KCNK18: variants seen among roughly 807,000 people sequenced by gnomAD.
KCNK18 encodes potassium channel subfamily K member 18.
Under a neutral mutation model 11.8 loss-of-function variants are expected in KCNK18, and 8 were observed. The ratio of observed to expected loss-of-function variants is 0.68; its 90% CI spans 0.40 to 1.22. The LOEUF is 1.22. KCNK18 is among the 50% of genes most tolerant of loss of function. KCNK18 has a pLI of 0.01. For missense variants in KCNK18, 442 were observed against 465.4 expected (o/e 0.95, Z 0.46); for synonymous variants, 208 against 185.8 (o/e 1.12, Z -0.97).
At chr10:117,201,940 G>A (rs1015530336) in intron 2 of KCNK18, among the ~76,000 whole-genome samples, 6 of 152,220 alleles carry the variant, frequency 3.9e-5, no homozygotes, top group Admixed American at 3.9e-4. Context: ...CAGCAGTGGG[G>A]CCAGGTTGGA....
intron 2 of KCNK18, among the ~76,000 whole-genome samples, chr10:117,205,326 A>G (rs1356203068): frequency 6.6e-6 from 1 of 152,250 alleles, no homozygotes; most frequent in Non-Finnish European, 1.5e-5. Context: ...CAGTAATTAG[A>G]ATAGTTAATA....
intron 1 of KCNK18, among the ~76,000 whole-genome samples, chr10:117,200,367 C>T (rs1854998828): frequency 6.6e-6 from 1 of 152,214 alleles, no homozygotes; most frequent in Admixed American, 6.5e-5. Flanking sequence ...CGTGAGCCAT[C>T]GTGCCCGGCA....
Position 117,201,392 on chromosome 10 carries a change from TCTC to T in KCNK18, c.352+106_352+108del, listed in dbSNP as rs1393053097. 4 of 1,186,332 alleles carry T rather than the reference TCTC, an allele frequency of 3.4e-6. No individual in the cohort carries two copies. The African/African-American group carries it at 6.0e-5, about 18-fold the overall frequency. The allele number at this position is 1,186,332 out of a possible 1,614,324, so 73.5% of individuals were successfully genotyped here. ...GGTGTGGAGATGGCCCTCCTCTCCCTCTCTTCTTCCCTCCCTTCCTCAAATCTA... is the reference window on the plus strand; with the variant it reads ...GGTGTGGAGATGGCCCTCCTCTCCCTTTCTTCCCTCCCTTCCTCAAATCTA... On this transcript the variant is annotated intron_variant, in intron 2 of 2. Transcript: ENST00000334549.
chr10:117,200,647 T>C (rs1589965448), intron 1 of KCNK18, among the ~76,000 whole-genome samples: 1 of 151,814 alleles, frequency 6.6e-6, no homozygotes, highest in Non-Finnish European at 1.5e-5. Context: ...CTCAACTAAA[T>C]ATACAAAAAT....
At chr10:117,208,649 C>G (rs937556451) in intron 2 of KCNK18, among the ~76,000 whole-genome samples, 7 of 152,058 alleles carry the variant, frequency 4.6e-5, no homozygotes, top group African/African-American at 1.7e-4. Flanking sequence ...TCTGTTTTTC[C>G]TAACACTGTG....
intron 2 of KCNK18, among the ~76,000 whole-genome samples, chr10:117,204,631 A>T (rs936328325): frequency 1.3e-5 from 2 of 152,222 alleles, no homozygotes; most frequent in Non-Finnish European, 2.9e-5. Flanking sequence ...CTCAGGAGCC[A>T]TTCTAGACCT....
intron 1 of KCNK18, 111 bp downstream of exon 1, chr10:117,197,822 C>G (rs182476477): frequency 1.2e-5 from 10 of 855,406 alleles, no homozygotes; most frequent in Non-Finnish European, 1.7e-5. Context: ...CTGCCTGGAT[C>G]CTCCTCATGC....
intron 2 of KCNK18, among the ~76,000 whole-genome samples, chr10:117,208,658 TGCACACTGCTGA>T (rs1223645142): frequency 6.6e-6 from 1 of 152,098 alleles, no homozygotes; most frequent in African/African-American, 2.4e-5. Context: ...CCTAACACTG[TGCACACTGCTGA>T]GCACACCATG....
chr10:117,201,632 C>A (rs1855015426), intron 2 of KCNK18, among the ~76,000 whole-genome samples: 1 of 152,188 alleles, frequency 6.6e-6, no homozygotes, highest in South Asian at 2.1e-4. Flanking sequence ...GGGTCTAGAC[C>A]CAGCACCCTG....
intron 2 of KCNK18, among the ~76,000 whole-genome samples, chr10:117,205,736 C>T (rs530601925): frequency 3.3e-5 from 5 of 152,268 alleles, no homozygotes; most frequent in African/African-American, 9.6e-5. Context: ...GTCTGTGATG[C>T]AGTCAGGATG....
Position 117,209,610 on chromosome 10 carries a change from G to C in KCNK18, c.466G>C (p.Ala156Pro), listed in dbSNP as rs147846434. Residue 156 changes from alanine to proline, a missense_variant, in exon 3 of 3, where the codon GCA becomes CCA. Coordinates refer to ENST00000334549, the MANE Select transcript of KCNK18 (RefSeq NM_181840.1). The part of the protein sequence containing the change: ...LVLTDTGDIL[A>P]TILSTSYNRF... ...TCTCACGGACACAGGCGACATCCTG[G>C]CAACCATCTTATCTACATCTTATAA... is the stretch of plus-strand genomic sequence containing the variant. The C allele has an allele frequency of 8.3e-5, 134 of 1,614,016 alleles. 2 individuals carry two copies. In the East Asian group the frequency reaches 3.0e-3, roughly 36 times the overall value.
intron 2 of KCNK18, among the ~76,000 whole-genome samples, chr10:117,203,579 G>A (rs772748701): frequency 4.6e-5 from 7 of 152,246 alleles, no homozygotes; most frequent in East Asian, 1.9e-4. Flanking sequence ...TTGCTCTGTC[G>A]CCCAGACTGG....
chr10:117,203,175 C>G (rs1369596656), intron 2 of KCNK18, among the ~76,000 whole-genome samples: 2 of 152,044 alleles, frequency 1.3e-5, no homozygotes, highest in African/African-American at 4.8e-5. Flanking sequence ...CCGCGCCTGG[C>G]CTTGTTCACC....
chr10:117,204,553 GT>G (rs767717923), intron 2 of KCNK18, among the ~76,000 whole-genome samples: 46 of 152,176 alleles, frequency 3.0e-4, no homozygotes, highest in Non-Finnish European at 8.8e-5. Flanking sequence ...TATTGCAATG[GT>G]TGTCAAAATG....
At chr10:117,208,942 T>C (rs930200462) in intron 2 of KCNK18, among the ~76,000 whole-genome samples, 2 of 152,112 alleles carry the variant, frequency 1.3e-5, no homozygotes, top group Non-Finnish European at 2.9e-5. Context: ...GGTTTCACTA[T>C]ATTGGCCAGG....
chr10:117,202,424 C>T, intron 2 of KCNK18, among the ~76,000 whole-genome samples: 1 of 152,218 alleles, frequency 6.6e-6, no homozygotes, highest in Non-Finnish European at 1.5e-5. Context: ...AGTAAGAAGT[C>T]CAGTGTGAGG....
intron 2 of KCNK18, among the ~76,000 whole-genome samples, chr10:117,208,901 C>T (rs1411607844): frequency 1.3e-5 from 2 of 152,238 alleles, no homozygotes; most frequent in East Asian, 3.9e-4. Context: ...ACACCATGCC[C>T]AGCTAATTTT....
At position 117,210,054 on chromosome 10, in the gene KCNK18, T is replaced by A. The variant is rs1216974588; in HGVS notation, c.910T>A (p.Trp304Arg). The change falls in exon 3 of 3, where the codon TGG becomes AGG. Residue 304 changes from tryptophan (W) to arginine (R), a missense_variant. Trp to Arg is a moderately radical substitution (Grantham distance 101). Coordinates refer to ENST00000334549, the MANE Select transcript of KCNK18 (RefSeq NM_181840.1). ...ISCAAAILPF[W>R]ETQLDFENAF... ...CTGTGCAGCTGCCATCCTCCCCTTCTGGGAGACACAGTTGGATTTCGAGAA... is the reference window on the plus strand; with the variant it reads ...CTGTGCAGCTGCCATCCTCCCCTTCAGGGAGACACAGTTGGATTTCGAGAA... 1.2e-6 allele frequency: 2 copies of A among 1,614,120 alleles called. No individual in the cohort carries two copies. The highest frequency in any genetic ancestry group is 2.7e-5 in the African/African-American group (2 of 74,934).
At chr10:117,206,901 C>T (rs1016396932) in intron 2 of KCNK18, among the ~76,000 whole-genome samples, 9 of 152,152 alleles carry the variant, frequency 5.9e-5, no homozygotes, top group Admixed American at 4.6e-4. Flanking sequence ...TTGTTGAACC[C>T]GCCATAGGGT....
Sources: allele counts gnomAD v4.1 joint callset (sites outside exome capture counted in the v4.1 genomes callset), GRCh38; gene constraint gnomAD v4.1.1; transcripts MANE v1.5; gene names NCBI Gene and HGNC (gene_info 2026-07-23, HGNC 2026-07-21).